Variants in CDYL observed in about 807,000 individuals in gnomAD.
The protein encoded by CDYL is chromodomain Y like.
Under a neutral mutation model 47.3 loss-of-function variants are expected in CDYL, and 8 were observed. The observed-to-expected ratio is 0.17, with a 90% CI of 0.10 to 0.31. The LOEUF is 0.31. Ranked by LOEUF, CDYL falls within the 10% of genes least tolerant of loss-of-function variation. The pLI, the probability that CDYL is intolerant of heterozygous loss-of-function variation, is 1.00. For missense variants in CDYL, 471 were observed against 701.4 expected (o/e 0.67, Z 3.71); for synonymous variants, 266 against 265.0 (o/e 1.00, Z -0.04).
At chr6:4,752,002 G>A (rs1179367646) in intron 3 of CDYL, among the ~76,000 whole-genome samples, 3 of 152,166 alleles carry the variant, frequency 2.0e-5, no homozygotes, top group African/African-American at 7.2e-5. Flanking sequence ...TATTTTTGCA[G>A]GCATTAAATA....
chr6:4,708,100 G>T (rs9405763), intron 1 of CDYL, among the ~76,000 whole-genome samples: 2 of 152,026 alleles, frequency 1.3e-5, no homozygotes, highest in East Asian at 3.9e-4. Context: ...TATTATTGCA[G>T]ATGTTTTAGG....
chr6:4,827,942 A>G (rs942426964), intron 1 of CDYL, among the ~76,000 whole-genome samples: 1 of 152,234 alleles, frequency 6.6e-6, no homozygotes, highest in African/African-American at 2.4e-5. Context: ...GGCGGGAGCC[A>G]TCGCACCCAG....
chr6:4,816,058 C>T (rs1189846995), intron 1 of CDYL, among the ~76,000 whole-genome samples: 1 of 150,118 alleles, frequency 6.7e-6, no homozygotes, highest in Non-Finnish European at 1.5e-5. Flanking sequence ...AATTTTTCCA[C>T]GTGAAATAAC....
At chr6:4,726,581 G>A (rs1051611609) in intron 2 of CDYL, among the ~76,000 whole-genome samples, 1 of 151,338 alleles carries the variant, frequency 6.6e-6, no homozygotes, top group African/African-American at 2.4e-5. Context: ...CACACCTGTG[G>A]TCCCACCTAT....
intron 2 of CDYL, among the ~76,000 whole-genome samples, chr6:4,903,631 G>A (rs1174502711): frequency 6.6e-6 from 1 of 152,178 alleles, no homozygotes; most frequent in Non-Finnish European, 1.5e-5. Flanking sequence ...TTTCTCACCA[G>A]CAGTCTCTGG....
chr6:4,733,422 TAAAA>T (rs5873946), intron 2 of CDYL, among the ~76,000 whole-genome samples: 2 of 138,824 alleles, frequency 1.4e-5, no homozygotes, highest in Non-Finnish European at 1.6e-5. Flanking sequence ...TCAGATAAAG[TAAAA>T]AAAAAAAAAA....
chr6:4,831,286 T>C (rs971743336), intron 1 of CDYL, among the ~76,000 whole-genome samples: 1 of 152,210 alleles, frequency 6.6e-6, no homozygotes, highest in African/African-American at 2.4e-5. Context: ...CAGTTTCAGC[T>C]TTCTACATAT....
intron 2 of CDYL, among the ~76,000 whole-genome samples, chr6:4,933,673 A>G (rs930432941): frequency 3.9e-5 from 6 of 152,168 alleles, no homozygotes; most frequent in Non-Finnish European, 8.8e-5. Flanking sequence ...TAAAAGAAAA[A>G]GTCTTTCCTG....
intron 2 of CDYL, 102 bp from the exon 3 acceptor site, chr6:4,935,413 C>A: frequency 2.9e-6 from 3 of 1,017,714 alleles, no homozygotes; most frequent in Non-Finnish European, 4.5e-6. Context: ...TTCGTTTAAT[C>A]CTAAGTGTGT....
chr6:4,897,464 A>C (rs1005434933), intron 2 of CDYL, among the ~76,000 whole-genome samples: 8 of 152,232 alleles, frequency 5.3e-5, no homozygotes, highest in African/African-American at 1.9e-4. Context: ...ATTTCCTCTC[A>C]GTAAGAATAT....
chr6:4,723,381 C>A (rs562848473), intron 2 of CDYL, among the ~76,000 whole-genome samples: 60 of 152,158 alleles, frequency 3.9e-4, no homozygotes, highest in African/African-American at 1.3e-3. Context: ...GAGCAGGAAT[C>A]AGTCAGGGTC....
At chr6:4,898,886 G>A (rs528365608) in intron 2 of CDYL, among the ~76,000 whole-genome samples, 4 of 152,294 alleles carry the variant, frequency 2.6e-5, no homozygotes, top group East Asian at 3.9e-4. Flanking sequence ...GAGTGCTTGC[G>A]TTTGCCACTT....
At chr6:4,874,388 G>A (rs917324117) in intron 1 of CDYL, among the ~76,000 whole-genome samples, 4 of 152,104 alleles carry the variant, frequency 2.6e-5, no homozygotes, top group East Asian at 3.9e-4. Flanking sequence ...TAGGGTTGGC[G>A]AGGCCTTCCC....
chr6:4,743,187 G>A (rs1220120931), intron 3 of CDYL, among the ~76,000 whole-genome samples: 3 of 152,182 alleles, frequency 2.0e-5, no homozygotes, highest in Non-Finnish European at 4.4e-5. Context: ...TCTAATCTTT[G>A]TGTCTGGGCT....
chr6:4,843,485 T>C (rs1204248264), intron 1 of CDYL, among the ~76,000 whole-genome samples: 1 of 150,472 alleles, frequency 6.6e-6, no homozygotes, highest in African/African-American at 2.4e-5. Flanking sequence ...TTTAACATAA[T>C]CCCCAACTTC....
chr6:4,708,967 A>G (rs1757096820), intron 1 of CDYL, among the ~76,000 whole-genome samples: 1 of 152,158 alleles, frequency 6.6e-6, no homozygotes, highest in East Asian at 1.9e-4. Flanking sequence ...AGATCATGTC[A>G]CTGCACTCCA....
intron 1 of CDYL, among the ~76,000 whole-genome samples, chr6:4,817,512 A>T (rs1274936001): frequency 1.3e-5 from 2 of 152,182 alleles, no homozygotes; most frequent in African/African-American, 4.8e-5. Context: ...ATTTGATAGA[A>T]AAGTGTTATC....
intron 3 of CDYL, among the ~76,000 whole-genome samples, chr6:4,764,271 G>T (rs1262642531): frequency 6.6e-6 from 1 of 152,036 alleles, no homozygotes; most frequent in Non-Finnish European, 1.5e-5. Context: ...AAGAAATTTG[G>T]TTGTAGGTTT....
chr6:4,882,635 C>A (rs1761793793), intron 1 of CDYL, among the ~76,000 whole-genome samples: 1 of 152,200 alleles, frequency 6.6e-6, no homozygotes, highest in South Asian at 2.1e-4. Context: ...TAGGTTGCCA[C>A]ATGGTTGGCT....
Sources: gnomAD v4.1 joint callset for allele counts (sites outside exome capture counted in the v4.1 genomes callset) on GRCh38, gnomAD v4.1.1 for gene constraint, MANE v1.5 for transcripts, NCBI Gene and HGNC (gene_info 2026-07-23, HGNC 2026-07-21) for gene names.